RECK: variants seen among roughly 807,000 people sequenced by gnomAD.
The protein encoded by RECK is reversion-inducing cysteine-rich protein with Kazal motifs.
Under a neutral mutation model 115.1 loss-of-function variants are expected in RECK, and 69 were observed. That is an observed-to-expected ratio of 0.60 (90% CI 0.49 to 0.73). RECK has a LOEUF of 0.73. Ranked by LOEUF, RECK falls within the 30% of genes least tolerant of loss-of-function variation. RECK has a pLI of 0.00. For missense variants in RECK, 1,047 were observed against 1,203.7 expected (o/e 0.87, Z 1.93); for synonymous variants, 414 against 419.7 (o/e 0.99, Z 0.17).
chr9:36,117,327 T>C (rs1053651216), intron 17 of RECK, 150 bp downstream of exon 17: 7 of 607,562 alleles, frequency 1.2e-5, no homozygotes, highest in African/African-American at 5.6e-5. Flanking sequence ...AAAGGAAGAC[T>C]GGCTCCTTCT....
intron 6 of RECK, among the ~76,000 whole-genome samples, chr9:36,070,602 G>A (rs908278426): frequency 2.0e-5 from 3 of 151,934 alleles, no homozygotes; most frequent in African/African-American, 7.3e-5. Flanking sequence ...GATCAAAATG[G>A]AATGAGATAT....
intron 12 of RECK, among the ~76,000 whole-genome samples, chr9:36,104,324 ATATTTT>A (rs1564130911): frequency 8.0e-5 from 4 of 50,214 alleles, no homozygotes; most frequent in African/African-American, 4.2e-4. Flanking sequence ...ATATATATAT[ATATTTT>A]TTTTTTTTTT....
At chr9:36,110,849 C>T (rs1187934513) in intron 15 of RECK, among the ~76,000 whole-genome samples, 1 of 151,958 alleles carries the variant, frequency 6.6e-6, no homozygotes, top group Non-Finnish European at 1.5e-5. Context: ...TAAGGATTTA[C>T]CAACCTTGTA....
At chr9:36,042,290 T>G (rs532995576) in intron 1 of RECK, among the ~76,000 whole-genome samples, 2 of 152,260 alleles carry the variant, frequency 1.3e-5, no homozygotes, top group East Asian at 3.9e-4. Flanking sequence ...AGCTGCCACT[T>G]GATAAATGAG....
chr9:36,059,341 A>G (rs532423082), intron 3 of RECK, among the ~76,000 whole-genome samples: 1 of 152,138 alleles, frequency 6.6e-6, no homozygotes, highest in South Asian at 2.1e-4. Context: ...CTGTAGTCCC[A>G]GCTACTCCAG....
At chr9:36,112,538 T>C in intron 16 of RECK, 62 bp downstream of exon 16, 2 of 1,502,884 alleles carry the variant, frequency 1.3e-6, no homozygotes, top group East Asian at 2.3e-5. Flanking sequence ...GCATCTACCA[T>C]ATACCAGACA....
rs552137475 is a variant in RECK, at chr9:36,097,683, T to G, written c.1086-2648T>G. On this transcript the variant is annotated intron_variant, in intron 10 of 20. Coordinates refer to ENST00000377966, the MANE Select transcript of RECK (RefSeq NM_021111.3). Reference sequence around the variant, plus strand: ...TCCAGCAATTCCACTACTAGGTACATATCTAAAGGAAAGGAAATCAGCGTG... The same window carrying G: ...TCCAGCAATTCCACTACTAGGTACAGATCTAAAGGAAAGGAAATCAGCGTG... Among the ~76,000 whole-genome samples, 93 of 152,276 alleles carry G rather than the reference T, an allele frequency of 6.1e-4. 2 individuals carry two copies. In the South Asian group the frequency reaches 0.019, roughly 31 times the overall value.
chr9:36,100,597 T>A, intron 11 of RECK, 54 bp downstream of exon 11: 1 of 1,354,916 alleles, frequency 7.4e-7, no homozygotes, highest in South Asian at 1.2e-5. Flanking sequence ...CCCTCCGTGA[T>A]CTCTAGCCAG....
chr9:36,100,694 G>C, intron 11 of RECK, 151 bp downstream of exon 11: 2 of 616,062 alleles, frequency 3.2e-6, no homozygotes, highest in Non-Finnish European at 5.7e-6. Context: ...TCCTCCTCTA[G>C]TTGAAATACT....
chr9:36,087,269 A>C (rs1823002573), intron 8 of RECK, among the ~76,000 whole-genome samples: 1 of 152,202 alleles, frequency 6.6e-6, no homozygotes, highest in Admixed American at 6.5e-5. Context: ...AGACTGAATA[A>C]AGAAAATGTG....
intron 1 of RECK, among the ~76,000 whole-genome samples, chr9:36,044,814 A>G (rs759986611): frequency 2.7e-4 from 41 of 152,184 alleles, no homozygotes; most frequent in Admixed American, 2.2e-3. Flanking sequence ...CATTCTAGGT[A>G]AGTGTAGATT....
intron 3 of RECK, among the ~76,000 whole-genome samples, chr9:36,059,284 C>T (rs541258663): frequency 2.3e-4 from 35 of 151,964 alleles, no homozygotes; most frequent in African/African-American, 7.2e-4. Flanking sequence ...TAGTGAAACC[C>T]GTCTCTACTA....
chr9:36,122,655 T>C (rs899204594), intron 20 of RECK, among the ~76,000 whole-genome samples, 169 bp from the exon 21 acceptor site: 1 of 152,162 alleles, frequency 6.6e-6, no homozygotes, highest in African/African-American at 2.4e-5. Context: ...ATTTATGTAA[T>C]AAACTAAAAC....
At chr9:36,054,507 A>AG (rs1347524837) in intron 2 of RECK, among the ~76,000 whole-genome samples, 1 of 151,508 alleles carries the variant, frequency 6.6e-6, no homozygotes, top group Non-Finnish European at 1.5e-5. Flanking sequence ...TTTAAAAAAA[A>AG]AAAAAAAAAA....
At chr9:36,047,723 TTA>T (rs1472972782) in intron 1 of RECK, among the ~76,000 whole-genome samples, 2 of 152,004 alleles carry the variant, frequency 1.3e-5, no homozygotes, top group Non-Finnish European at 2.9e-5. Context: ...AGTGAAATTT[TTA>T]TGTGTCCTTC....
intron 13 of RECK, among the ~76,000 whole-genome samples, chr9:36,107,275 AG>A (rs1436083831): frequency 1.3e-5 from 2 of 151,794 alleles, no homozygotes; most frequent in Non-Finnish European, 2.9e-5. Context: ...CATCACTAAA[AG>A]TTTTTCTGAA....
intron 6 of RECK, among the ~76,000 whole-genome samples, chr9:36,068,908 G>A (rs2132598178): frequency 6.6e-6 from 1 of 152,292 alleles, no homozygotes; most frequent in African/African-American, 2.4e-5. Flanking sequence ...TTTGTATCAA[G>A]TGAGTGTTTG....
chr9:36,074,064 A>G (rs1048897968), intron 6 of RECK, among the ~76,000 whole-genome samples: 2 of 152,168 alleles, frequency 1.3e-5, no homozygotes, highest in South Asian at 2.1e-4. Flanking sequence ...CCAGAACATC[A>G]TTACCTCTAT....
chr9:36,111,500 TCTC>T (rs1824041244), intron 15 of RECK, among the ~76,000 whole-genome samples: 1 of 152,246 alleles, frequency 6.6e-6, no homozygotes, highest in South Asian at 2.1e-4. Flanking sequence ...ATCAAGCAAT[TCTC>T]CTGCCTCAGC....
Sources: gnomAD v4.1 joint callset for allele counts (sites outside exome capture counted in the v4.1 genomes callset) on GRCh38, gnomAD v4.1.1 for gene constraint, MANE v1.5 for transcripts, NCBI Gene and HGNC (gene_info 2026-07-23, HGNC 2026-07-21) for gene names.